The following DNER variants were observed in gnomAD, a reference collection of about 807,000 sequenced individuals.
DNER encodes delta and Notch-like epidermal growth factor-related receptor.
In DNER, 33 loss-of-function variants were observed where a neutral mutation model predicts 78.2. The observed-to-expected ratio is 0.42, with a 90% confidence interval of 0.32 to 0.56. The LOEUF (loss-of-function observed/expected upper bound fraction) is 0.56. DNER is among the 20% of genes least tolerant of loss of function. DNER has a pLI of 0.11. For missense variants in DNER, 918 were observed against 975.3 expected, an observed-to-expected ratio of 0.94 and a Z score of 0.78; for synonymous variants, 417 against 384.8, an observed-to-expected ratio of 1.08 and a Z score of -0.98.
intron 5 of DNER, among the ~76,000 whole-genome samples, chr2:229,539,752 C>T (rs998848624): frequency 6.6e-5 from 10 of 152,148 alleles, no homozygotes; most frequent in Non-Finnish European, 1.0e-4. Context: ...TCACTAATGT[C>T]GAAGAGCTCA....
chr2:229,581,440 C>T (rs1219198424), intron 4 of DNER, among the ~76,000 whole-genome samples: 2 of 152,028 alleles, frequency 1.3e-5, no homozygotes, highest in Non-Finnish European at 2.9e-5. Context: ...TACCCCAATG[C>T]GTGGCATCAG....
intron 10 of DNER, among the ~76,000 whole-genome samples, chr2:229,398,730 A>G (rs963689797): frequency 7.9e-5 from 12 of 152,132 alleles, no homozygotes; most frequent in African/African-American, 2.9e-4. Context: ...GCAAAGTATT[A>G]TATAAAATGA....
At chr2:229,652,657 A>G (rs750744540) in intron 1 of DNER, among the ~76,000 whole-genome samples, 4 of 152,230 alleles carry the variant, frequency 2.6e-5, no homozygotes, top group Non-Finnish European at 5.9e-5. Flanking sequence ...GTCAGGCAGG[A>G]AGCAGCAATG....
At chr2:229,373,825 G>C (rs1286320609) in intron 11 of DNER, among the ~76,000 whole-genome samples, 2 of 152,138 alleles carry the variant, frequency 1.3e-5, no homozygotes, top group Admixed American at 1.3e-4. Context: ...TATCCTAAGT[G>C]AATTAACATA....
chr2:229,558,019 C>T (rs542956214), intron 4 of DNER, among the ~76,000 whole-genome samples: 3 of 152,290 alleles, frequency 2.0e-5, no homozygotes, highest in South Asian at 2.1e-4. Context: ...AAATGTGGTA[C>T]ATATGCACCA....
intron 6 of DNER, among the ~76,000 whole-genome samples, chr2:229,485,529 C>T (rs1695251530): frequency 6.6e-6 from 1 of 152,120 alleles, no homozygotes. Flanking sequence ...GCCTGTGAAT[C>T]TCAGAACAGC....
At chr2:229,612,866 G>A (rs1222325162) in intron 1 of DNER, among the ~76,000 whole-genome samples, 5 of 152,204 alleles carry the variant, frequency 3.3e-5, no homozygotes, top group Non-Finnish European at 7.3e-5. Flanking sequence ...AAATCTTAAA[G>A]TGACAAGTTC....
At chr2:229,627,805 C>G (rs1161790534) in intron 1 of DNER, among the ~76,000 whole-genome samples, 1 of 152,096 alleles carries the variant, frequency 6.6e-6, no homozygotes, top group Non-Finnish European at 1.5e-5. Flanking sequence ...GCTAGGAACC[C>G]CAGGCAAGTT....
intron 1 of DNER, among the ~76,000 whole-genome samples, chr2:229,684,167 A>T (rs77472940): frequency 0.14 from 14,575 of 101,048 alleles, 882 homozygotes; most frequent in East Asian, 0.22. Context: ...AGAGAGAGAG[A>T]GAGTGTGTGT....
chr2:229,600,950 A>G (rs1486243047), intron 1 of DNER, among the ~76,000 whole-genome samples: 1 of 152,180 alleles, frequency 6.6e-6, no homozygotes, highest in Non-Finnish European at 1.5e-5. Flanking sequence ...TTTATAGCTT[A>G]GGGTTACTGG....
At chr2:229,698,610 T>A (rs990996812) in intron 1 of DNER, among the ~76,000 whole-genome samples, 1 of 152,182 alleles carries the variant, frequency 6.6e-6, no homozygotes, top group African/African-American at 2.4e-5. Context: ...AGTTTGAACG[T>A]AATGATAACA....
intron 5 of DNER, among the ~76,000 whole-genome samples, chr2:229,542,508 C>T (rs1035549385): frequency 2.0e-5 from 3 of 151,920 alleles, no homozygotes; most frequent in African/African-American, 7.3e-5. Context: ...AACAGAATTG[C>T]TTTTATTTTG....
At chr2:229,435,197 C>T (rs1057105988) in intron 8 of DNER, among the ~76,000 whole-genome samples, 2 of 152,152 alleles carry the variant, frequency 1.3e-5, no homozygotes, top group Non-Finnish European at 2.9e-5. Context: ...ACCCTACAAT[C>T]GTGGGAAGAA....
intron 4 of DNER, among the ~76,000 whole-genome samples, chr2:229,562,221 C>T (rs1696974228): frequency 6.6e-6 from 1 of 152,146 alleles, no homozygotes; most frequent in South Asian, 2.1e-4. Context: ...CCCACCACCT[C>T]TGCCACCTGG....
At chr2:229,688,763 C>T (rs1380444651) in intron 1 of DNER, among the ~76,000 whole-genome samples, 3 of 152,038 alleles carry the variant, frequency 2.0e-5, no homozygotes, top group Admixed American at 6.5e-5. Flanking sequence ...TGCCCATCAA[C>T]GATAGACTGG....
chr2:229,541,801 G>A (rs1043337381), intron 5 of DNER, among the ~76,000 whole-genome samples: 74 of 150,690 alleles, frequency 4.9e-4, no homozygotes, highest in African/African-American at 1.7e-3. Context: ...CACTTGCCAA[G>A]ACTCCACAAT....
At chr2:229,415,679 C>T (rs953430332) in intron 9 of DNER, among the ~76,000 whole-genome samples, 2 of 152,118 alleles carry the variant, frequency 1.3e-5, no homozygotes, top group African/African-American at 4.8e-5. Context: ...TATTTGGTGG[C>T]GATGCTTATT....
At chr2:229,529,806 G>A (rs1008548793) in intron 5 of DNER, among the ~76,000 whole-genome samples, 12 of 152,136 alleles carry the variant, frequency 7.9e-5, no homozygotes, top group Non-Finnish European at 1.3e-4. Flanking sequence ...CCAGAAGTTC[G>A]AGACCAGCCT....
chr2:229,367,455 G>A (rs1462209771), intron 11 of DNER, among the ~76,000 whole-genome samples: 1 of 152,030 alleles, frequency 6.6e-6, no homozygotes, highest in Non-Finnish European at 1.5e-5. Context: ...ACAAACATTA[G>A]CTGGGCGTGG....
Sources: gnomAD v4.1 joint callset for allele counts (sites outside exome capture counted in the v4.1 genomes callset) on GRCh38, gnomAD v4.1.1 for gene constraint, MANE v1.5 for transcripts, NCBI Gene and HGNC (gene_info 2026-07-23, HGNC 2026-07-21) for gene names.